The following PACS2 variants were observed in gnomAD, a reference collection of about 807,000 sequenced individuals.
The protein encoded by PACS2 is PACS1-like protein.
PACS2 carries 36 observed loss-of-function variants against 113.0 expected under a neutral mutation model. The observed-to-expected ratio is 0.32, with a 90% CI of 0.24 to 0.42. PACS2 has a LOEUF of 0.42. Ranked by LOEUF, PACS2 falls within the 10% of genes least tolerant of loss-of-function variation. The pLI, the probability that PACS2 is intolerant of heterozygous loss-of-function variation, is 1.00. For missense variants in PACS2, 1,015 were observed against 1,239.5 expected, an observed-to-expected ratio of 0.82 and a Z score of 2.72; for synonymous variants, 589 against 536.1, an observed-to-expected ratio of 1.10 and a Z score of -1.36.
At position 105,329,368 on chromosome 14, in the gene PACS2, T is replaced by C. The variant is rs1281980625; in HGVS notation, c.119+14331T>C. Among the ~76,000 whole-genome samples the C allele has an allele frequency of 6.6e-6, 1 of 152,208 alleles. No homozygotes were observed. The highest frequency in any genetic ancestry group is 1.5e-5 in the Non-Finnish European group (1 of 68,032). ...ATTTGCTCCCTGGCAACTGTTGCCT[T>C]TCCCAGAAGAGAAGTCCCTGGAACC... On this transcript the variant is annotated intron_variant, in intron 1 of 24. Transcript: ENST00000447393. The surrounding 1 kb of genome is among the most constrained non-coding windows in gnomAD (Gnocchi z 6.4).
intron 19 of PACS2, among the ~76,000 whole-genome samples, chr14:105,388,239 C>G (rs1408278197): frequency 6.6e-6 from 1 of 151,988 alleles, no homozygotes; most frequent in Admixed American, 6.6e-5. Context: ...AGGTTGGCGT[C>G]TGGGGAGGGT....
intron 1 of PACS2, among the ~76,000 whole-genome samples, chr14:105,343,785 TC>T (rs1212155810): frequency 6.6e-6 from 1 of 151,644 alleles, no homozygotes; most frequent in Non-Finnish European, 1.5e-5. Context: ...AACCTTTACC[TC>T]CCTGGTTCAA....
At chr14:105,353,415 C>T (rs1595672043) in intron 3 of PACS2, among the ~76,000 whole-genome samples, 1 of 131,996 alleles carries the variant, frequency 7.6e-6, no homozygotes, top group Non-Finnish European at 1.6e-5. Flanking sequence ...GGCCCCCCCT[C>T]ATCACTGTCC....
chr14:105,319,585 GATT>G (rs1427119927), intron 1 of PACS2, among the ~76,000 whole-genome samples: 2 of 152,142 alleles, frequency 1.3e-5, no homozygotes, highest in Non-Finnish European at 2.9e-5. Flanking sequence ...CTTATCTATA[GATT>G]ATTTTGTATT....
intron 4 of PACS2, among the ~76,000 whole-genome samples, chr14:105,364,695 C>CTTTTTTTT (rs1166883985): frequency 2.4e-5 from 3 of 126,070 alleles, no homozygotes; most frequent in African/African-American, 6.2e-5. Context: ...ATTTTCTTTT[C>CTTTTTTTT]TTTTTTTTTT....
rs200671786 is a variant in PACS2 at position 105,381,004 on chromosome 14, C to T, written c.1173C>T (p.Pro391=). The part of the protein sequence containing the change: ...REHPGQPEDS[P]EAEASTLDVF... ...ACCCTGGACAGCCTGAGGACAGCCC[C>T]GAGGCTGAGGCCTCCACCCTGGATG... is the stretch of plus-strand genomic sequence containing the variant. The change falls in exon 12 of 25, where the codon CCC becomes CCT. Residue 391 remains proline (P), a synonymous_variant. Coordinates refer to ENST00000447393, the MANE Select transcript of PACS2 (RefSeq NM_001100913.3). 67 of 1,612,376 alleles carry T rather than the reference C, an allele frequency of 4.2e-5. 1 individual carries two copies. The highest frequency in any genetic ancestry group is 2.3e-4 in the Admixed American group (14 of 59,972).
intron 8 of PACS2, among the ~76,000 whole-genome samples, chr14:105,373,694 G>A (rs1416188396): frequency 6.6e-6 from 1 of 152,046 alleles, no homozygotes; most frequent in East Asian, 1.9e-4. Flanking sequence ...AGGCTGAGGT[G>A]GGAGAATCAC....
chr14:105,383,864 A>G lies in PACS2; in HGVS notation c.1780+351A>G, dbSNP rs2081080217. On this transcript the variant is annotated intron_variant, in intron 16 of 24. Coordinates refer to ENST00000447393, the MANE Select transcript of PACS2 (RefSeq NM_001100913.3). ...AACTCTATGCCAGTTTCGATTTCCAAAGTCAGAAGTGCAAAGCAGGGCTCG... is the reference window on the plus strand; with the variant it reads ...AACTCTATGCCAGTTTCGATTTCCAGAGTCAGAAGTGCAAAGCAGGGCTCG... 9.9e-6 allele frequency: 3 copies of G among 302,470 alleles called. No homozygotes were observed. The South Asian group carries it at 1.5e-4, about 15-fold the overall frequency. The allele number at this position is 302,470 out of a possible 1,614,324, so 18.7% of individuals were successfully genotyped here.
At chr14:105,361,739 C>T (rs587595241) in intron 4 of PACS2, among the ~76,000 whole-genome samples, 211 of 151,926 alleles carry the variant, frequency 1.4e-3, no homozygotes, top group Admixed American at 3.0e-3. Context: ...CACCTGAGGT[C>T]GGGAGCTCGA....
chr14:105,380,741 T>C (rs2080962798), intron 11 of PACS2, among the ~76,000 whole-genome samples: 2 of 152,028 alleles, frequency 1.3e-5, no homozygotes, highest in South Asian at 2.1e-4. Flanking sequence ...TCCTGGGAGG[T>C]TGGGGGCTGG....
chr14:105,312,424 G>C (rs908618864), upstream of PACS2, among the ~76,000 whole-genome samples: 4 of 152,224 alleles, frequency 2.6e-5, no homozygotes, highest in Non-Finnish European at 5.9e-5. Context: ...CCAGGGCTCT[G>C]AAGGATCCTC....
chr14:105,314,664 G>A (rs2058474787), upstream of PACS2: 1 of 143,572 alleles, frequency 7.0e-6, no homozygotes, highest in East Asian at 2.1e-4. Flanking sequence ...GCCGGCGCGG[G>A]TCGGAGGGCG....
chr14:105,380,966 G>A lies in PACS2; in HGVS notation c.1135G>A (p.Gly379Ser), dbSNP rs1555411834. ...VSDTVALGVP[G>S]PREHPGQPED... ...CGTCTCTGCTCAGCAGGGTGTGCCA[G>A]GCCCGAGGGAGCACCCTGGACAGCC... Residue 379 changes from glycine (G) to serine (S), a missense_variant, in exon 12 of 25, where the codon GGC becomes AGC. Transcript: ENST00000447393. 1 of 1,610,760 alleles carries A rather than the reference G, an allele frequency of 6.2e-7. No individual in the cohort carries two copies. The highest frequency in any genetic ancestry group is 2.2e-5 in the East Asian group (1 of 44,794).
At chr14:105,385,500 GTCCCACACCT>G in intron 18 of PACS2, among the ~76,000 whole-genome samples, 175 bp from the exon 19 acceptor site, 1 of 152,194 alleles carries the variant, frequency 6.6e-6, no homozygotes, top group East Asian at 1.9e-4. Context: ...TGGCGCCACT[GTCCCACACCT>G]TCCCTAGACT....
chr14:105,327,163 CA>C (rs2059144636), intron 1 of PACS2, among the ~76,000 whole-genome samples: 1 of 152,206 alleles, frequency 6.6e-6, no homozygotes, highest in African/African-American at 2.4e-5. Flanking sequence ...GCCACAGGGC[CA>C]AGGGGTATCT....
At chr14:105,362,069 G>T (rs1247011379) in intron 4 of PACS2, among the ~76,000 whole-genome samples, 2 of 149,612 alleles carry the variant, frequency 1.3e-5, no homozygotes, top group African/African-American at 4.9e-5. Context: ...GTTGTAGTGA[G>T]CGAGATCGCA....
chr14:105,362,289 G>C (rs587660111), intron 4 of PACS2, among the ~76,000 whole-genome samples: 1 of 151,170 alleles, frequency 6.6e-6, no homozygotes, highest in Non-Finnish European at 1.5e-5. Context: ...GTGGTGGCGG[G>C]CGCCTGTAGT....
chr14:105,331,545 G>C (rs923410929), intron 1 of PACS2, among the ~76,000 whole-genome samples: 1 of 152,180 alleles, frequency 6.6e-6, no homozygotes, highest in African/African-American at 2.4e-5. Flanking sequence ...GCCTCCTAAA[G>C]TGCTGGGATT....
At chr14:105,342,521 G>A (rs1395147801) in intron 1 of PACS2, among the ~76,000 whole-genome samples, 4 of 151,500 alleles carry the variant, frequency 2.6e-5, no homozygotes, top group Non-Finnish European at 4.4e-5. Flanking sequence ...CACCCGCCTC[G>A]GCCTCCCACA....
Sources: allele counts gnomAD v4.1 joint callset (sites outside exome capture counted in the v4.1 genomes callset), GRCh38; gene constraint gnomAD v4.1.1; non-coding constraint Gnocchi (gnomAD v3.1); transcripts MANE v1.5; gene names NCBI Gene and HGNC (gene_info 2026-07-23, HGNC 2026-07-21).